RBM20: variants seen among roughly 807,000 people sequenced by gnomAD.
RBM20 encodes the protein RNA-binding protein 20.
A neutral mutation model predicts 110.1 loss-of-function variants in RBM20; 51 were observed. That is an observed-to-expected ratio of 0.46 (90% CI 0.37 to 0.59). The LOEUF is 0.59. Among genes scored for constraint, RBM20 ranks in the 20% least tolerant of loss-of-function variants. RBM20 has a pLI of 0.00. For synonymous variants in RBM20, 589 were observed against 618.2 expected (o/e 0.95, Z 0.70); for missense variants, 1,512 against 1,574.9 (o/e 0.96, Z 0.68).
chr10:110,761,281 T>G (rs914017085), intron 1 of RBM20: 1 of 148,294 alleles, frequency 6.7e-6, no homozygotes, highest in Non-Finnish European at 1.5e-5. Flanking sequence ...TTACCTATGA[T>G]TCTACCATCT....
intron 5 of RBM20, among the ~76,000 whole-genome samples, chr10:110,787,528 C>T (rs986259935): frequency 6.6e-6 from 1 of 152,254 alleles, no homozygotes; most frequent in Non-Finnish European, 1.5e-5. Flanking sequence ...CAGTGTTCCC[C>T]TTACACAAAT....
At chr10:110,699,086 G>C (rs1862715261) in intron 1 of RBM20, among the ~76,000 whole-genome samples, 2 of 152,126 alleles carry the variant, frequency 1.3e-5, no homozygotes, top group Admixed American at 1.3e-4. Context: ...CACAGGCAAT[G>C]CAAGAAGCCA....
rs149477462 is a variant in RBM20, at chr10:110,817,262, G to A, written c.2551-2810G>A. On this transcript the variant is annotated intron_variant, in intron 9 of 13. Coordinates refer to ENST00000369519, the MANE Select transcript of RBM20 (RefSeq NM_001134363.3). ...CATTCTACAGCTGCCATGCAGGAAC[G>A]CATGCCACGCTGTCAAATCTCCCTT... is the stretch of plus-strand genomic sequence containing the variant. Among the ~76,000 whole-genome samples the A allele has an allele frequency of 2.6e-5, 4 of 152,284 alleles. No individual in the cohort carries two copies. In the East Asian group the frequency reaches 7.7e-4, roughly 29 times the overall value.
At chr10:110,697,218 C>A (rs1319767920) in intron 1 of RBM20, among the ~76,000 whole-genome samples, 1 of 152,012 alleles carries the variant, frequency 6.6e-6, no homozygotes, top group Non-Finnish European at 1.5e-5. Context: ...TGAACCTCAG[C>A]AGCAGTGCTG....
chr10:110,658,327 G>T (rs1862054718), intron 1 of RBM20, among the ~76,000 whole-genome samples: 1 of 152,180 alleles, frequency 6.6e-6, no homozygotes. Flanking sequence ...GTGCTGGGGG[G>T]TGAGTGAATG....
chr10:110,799,101 A>G (rs993160545), intron 6 of RBM20, among the ~76,000 whole-genome samples: 2 of 152,220 alleles, frequency 1.3e-5, no homozygotes, highest in African/African-American at 4.8e-5. Flanking sequence ...CTTCAAGCCT[A>G]GGGGTTTGTG....
chr10:110,824,548 A>G (rs1380350565), intron 12 of RBM20, among the ~76,000 whole-genome samples: 2 of 152,124 alleles, frequency 1.3e-5, no homozygotes, highest in Non-Finnish European at 2.9e-5. Context: ...TAATTTAGAC[A>G]GCGATTTTTT....
chr10:110,675,022 T>C (rs1325691004), intron 1 of RBM20, among the ~76,000 whole-genome samples: 1 of 152,210 alleles, frequency 6.6e-6, no homozygotes, highest in Non-Finnish European at 1.5e-5. Flanking sequence ...TCTGTATCCA[T>C]GGTACATTGC....
chr10:110,797,345 G>T (rs917712012), intron 5 of RBM20, among the ~76,000 whole-genome samples, 163 bp from the exon 6 acceptor site: 4 of 152,010 alleles, frequency 2.6e-5, no homozygotes, highest in African/African-American at 7.3e-5. Flanking sequence ...GAATAAAATT[G>T]ATATTTTATG....
chr10:110,710,168 C>T (rs766339439), intron 1 of RBM20, among the ~76,000 whole-genome samples: 5 of 152,072 alleles, frequency 3.3e-5, no homozygotes, highest in African/African-American at 7.3e-5. Flanking sequence ...TTAGTGCTGA[C>T]GAGTGAAAAC....
chr10:110,709,571 T>C (rs539701398), intron 1 of RBM20, among the ~76,000 whole-genome samples: 6 of 151,976 alleles, frequency 3.9e-5, no homozygotes, highest in Admixed American at 1.3e-4. Context: ...TCTTTTTTTT[T>C]TTTTTTTTTA....
Position 110,821,269 on chromosome 10 carries a change from G to A in RBM20, c.2656-6G>A. The A allele has an allele frequency of 6.5e-7, 1 of 1,548,738 alleles. No individual in the cohort carries two copies. The highest frequency in any genetic ancestry group is 1.4e-5 in the African/African-American group (1 of 73,050). On this transcript the variant is annotated splice_polypyrimidine_tract_variant and splice_region_variant and intron_variant, in intron 10 of 13. Transcript: ENST00000369519. ...CCTCTGACCTCCATTCTGCATTTTT[G>A]TACAGGAACAAGATTGGGAGAGTGA...
chr10:110,727,394 C>T (rs115801964), intron 1 of RBM20, among the ~76,000 whole-genome samples: 1,985 of 81,718 alleles, frequency 0.024, 19 homozygotes, highest in Admixed American at 0.031. Flanking sequence ...TTAAAAAGTC[C>T]GTCTCAAAAA....
chr10:110,764,227 A>G (rs1350104649), intron 1 of RBM20, among the ~76,000 whole-genome samples: 1 of 152,166 alleles, frequency 6.6e-6, no homozygotes, highest in Non-Finnish European at 1.5e-5. Context: ...GGGTATCTTC[A>G]GGACCAAATT....
intron 1 of RBM20, among the ~76,000 whole-genome samples, chr10:110,674,399 A>G (rs1052609231): frequency 1.3e-5 from 2 of 152,238 alleles, no homozygotes; most frequent in Admixed American, 6.5e-5. Context: ...AGGTTAGAGC[A>G]GGATTCCAGT....
intron 1 of RBM20, among the ~76,000 whole-genome samples, chr10:110,746,470 A>C (rs1324821192): frequency 5.3e-5 from 8 of 152,232 alleles, no homozygotes; most frequent in Admixed American, 5.2e-4. Context: ...GAATAGATTT[A>C]AAAGGTTGCT....
chr10:110,768,229 G>C, intron 1 of RBM20, among the ~76,000 whole-genome samples: 1 of 141,594 alleles, frequency 7.1e-6, no homozygotes, highest in South Asian at 2.3e-4. Flanking sequence ...GGAAAGAGGG[G>C]AGAGGGAGAG....
rs907098675 is a variant in RBM20 at position 110,661,366 on chromosome 10, A to G, written c.191+16721A>G. On this transcript the variant is annotated intron_variant, in intron 1 of 13. Coordinates refer to ENST00000369519, the MANE Select transcript of RBM20 (RefSeq NM_001134363.3). The stretch of plus-strand genomic sequence containing the variant: ...CTCCAGCAGTTGCCAGTGTAGCCAG[A>G]ACCCCTTAGGCTGGGATCTGACTTG... 5.3e-5 allele frequency among the ~76,000 whole-genome samples: 8 copies of G among 152,318 alleles called. No individual in the cohort carries two copies. In the East Asian group the frequency reaches 1.5e-3, roughly 29 times the overall value.
intron 10 of RBM20, among the ~76,000 whole-genome samples, 198 bp downstream of exon 10, chr10:110,820,374 C>T (rs549308620): frequency 1.3e-5 from 2 of 152,322 alleles, no homozygotes; most frequent in East Asian, 3.9e-4. Context: ...TTGAAGCGAT[C>T]TTTACCCACA....
Sources: gnomAD v4.1 joint callset for allele counts (sites outside exome capture counted in the v4.1 genomes callset) on GRCh38, gnomAD v4.1.1 for gene constraint, MANE v1.5 for transcripts, NCBI Gene and HGNC (gene_info 2026-07-23, HGNC 2026-07-21) for gene names.